Variants in SNTG2 observed in about 807,000 individuals in gnomAD.
SNTG2 encodes syntrophin gamma 2, also known as gamma-2-syntrophin.
A neutral mutation model predicts 70.9 loss-of-function variants in SNTG2; 74 were observed. That is an observed-to-expected ratio of 1.04 (90% CI 0.86 to 1.27). The LOEUF (loss-of-function observed/expected upper bound fraction) is 1.27, where lower values mean the gene tolerates loss of function less well. Ranked by LOEUF, SNTG2 falls within the 50% of genes most tolerant of loss-of-function variation. The pLI is 0.00. For missense variants in SNTG2, 717 were observed against 690.7 expected (o/e 1.04, Z -0.43); for synonymous variants, 278 against 273.8 (o/e 1.02, Z -0.15).
At chr2:1,015,914 T>C (rs1558311900) in intron 1 of SNTG2, among the ~76,000 whole-genome samples, 1 of 152,232 alleles carries the variant, frequency 6.6e-6, no homozygotes, top group Non-Finnish European at 1.5e-5. Context: ...ATGCAGCAGA[T>C]AGTCCATGTT....
intron 4 of SNTG2, among the ~76,000 whole-genome samples, chr2:1,098,885 T>C (rs1176767604): frequency 6.6e-6 from 1 of 152,218 alleles, no homozygotes; most frequent in African/African-American, 2.4e-5. Context: ...CTGGTGGTAC[T>C]GCACTGACTA....
At chr2:1,106,327 T>C (rs1229737558) in intron 4 of SNTG2, among the ~76,000 whole-genome samples, 1 of 113,122 alleles carries the variant, frequency 8.8e-6, no homozygotes. Context: ...TCCTTGATAA[T>C]AATGGACACG....
intron 9 of SNTG2, among the ~76,000 whole-genome samples, chr2:1,222,029 CTA>C (rs1553362123): frequency 3.2e-4 from 1 of 3,174 alleles, no homozygotes; most frequent in Non-Finnish European, 8.5e-4. Context: ...CTGTCTCTGC[CTA>C]TCTCTGTCTC....
At chr2:1,313,089 A>G (rs1217259659) in intron 15 of SNTG2, among the ~76,000 whole-genome samples, 1 of 152,234 alleles carries the variant, frequency 6.6e-6, no homozygotes, top group Non-Finnish European at 1.5e-5. Flanking sequence ...TGTGTTAACA[A>G]TCAGACTGTG....
At chr2:994,606 T>C (rs904368954) in intron 1 of SNTG2, among the ~76,000 whole-genome samples, 2 of 152,092 alleles carry the variant, frequency 1.3e-5, no homozygotes, top group African/African-American at 2.4e-5. Context: ...GTATTGAATC[T>C]GTAGATCAAT....
chr2:1,006,708 A>G (rs992283935), intron 1 of SNTG2, among the ~76,000 whole-genome samples: 3 of 152,182 alleles, frequency 2.0e-5, no homozygotes, highest in Non-Finnish European at 4.4e-5. Context: ...TGTGGTAGAT[A>G]GAAGTAATCT....
intron 4 of SNTG2, among the ~76,000 whole-genome samples, chr2:1,102,974 CTG>C (rs1164904217): frequency 1.3e-5 from 2 of 152,216 alleles, no homozygotes. Context: ...AGCCAAGACT[CTG>C]ATTGTACCGT....
chr2:1,244,588 C>T (rs142729338), intron 11 of SNTG2, among the ~76,000 whole-genome samples: 13,154 of 148,208 alleles, frequency 0.089, 647 homozygotes, highest in South Asian at 0.14. Flanking sequence ...CCCAGCTACT[C>T]GGGAGGCTGA....
At chr2:1,219,668 C>A (rs1572757811) in intron 9 of SNTG2, among the ~76,000 whole-genome samples, 4 of 121,466 alleles carry the variant, frequency 3.3e-5, no homozygotes, top group East Asian at 2.4e-4. Context: ...TTTTCTAAAA[C>A]ATAGAAGGAA....
At chr2:1,140,327 G>A (rs2147772483) in intron 6 of SNTG2, among the ~76,000 whole-genome samples, 1 of 152,184 alleles carries the variant, frequency 6.6e-6, no homozygotes, top group East Asian at 1.9e-4. Flanking sequence ...CATCCACACT[G>A]GCATATAATA....
chr2:966,359 G>T (rs1176129575), intron 1 of SNTG2, among the ~76,000 whole-genome samples: 1 of 151,824 alleles, frequency 6.6e-6, no homozygotes, highest in Non-Finnish European at 1.5e-5. Flanking sequence ...TCTGCAATTT[G>T]TTACTTTTGT....
intron 1 of SNTG2, among the ~76,000 whole-genome samples, chr2:1,064,404 T>C (rs1312768697): frequency 6.6e-6 from 1 of 151,484 alleles, no homozygotes; most frequent in East Asian, 1.9e-4. Context: ...AATTTATGTA[T>C]GTTTTAATGC....
chr2:1,147,419 G>A (rs568769447), intron 6 of SNTG2, among the ~76,000 whole-genome samples: 4 of 152,284 alleles, frequency 2.6e-5, no homozygotes, highest in Admixed American at 6.5e-5. Flanking sequence ...GCAGAAAAAT[G>A]TGAAAAGCCT....
At chr2:1,363,968 C>T (rs1268580786) in intron 16 of SNTG2, among the ~76,000 whole-genome samples, 1 of 82,256 alleles carries the variant, frequency 1.2e-5, no homozygotes, top group Non-Finnish European at 2.5e-5. Flanking sequence ...CTAGTAATTT[C>T]TTTTATTTTC....
chr2:1,347,461 G>C (rs187252308), intron 16 of SNTG2, among the ~76,000 whole-genome samples: 21 of 152,256 alleles, frequency 1.4e-4, no homozygotes, highest in African/African-American at 4.8e-4. Context: ...GGGCAAAATT[G>C]GTTTTGAAAG....
At chr2:1,243,128 C>G (rs1227877938) in intron 11 of SNTG2, among the ~76,000 whole-genome samples, 2 of 152,242 alleles carry the variant, frequency 1.3e-5, no homozygotes, top group African/African-American at 2.4e-5. Flanking sequence ...TAATTAAGCT[C>G]ATGCAACTAA....
intron 1 of SNTG2, among the ~76,000 whole-genome samples, chr2:997,711 C>G (rs942745737): frequency 1.3e-5 from 2 of 152,326 alleles, no homozygotes; most frequent in Middle Eastern, 3.4e-3. Flanking sequence ...ATAGACCCCC[C>G]TCTGGGGCTG....
intron 16 of SNTG2, among the ~76,000 whole-genome samples, chr2:1,330,051 G>A (rs1659436485): frequency 6.6e-6 from 1 of 152,164 alleles, no homozygotes; most frequent in Non-Finnish European, 1.5e-5. Context: ...TTTGAGGTGG[G>A]AAAGGAGGAG....
At chr2:1,067,731 G>A (rs62105943) in intron 1 of SNTG2, among the ~76,000 whole-genome samples, 5,043 of 152,236 alleles carry the variant, frequency 0.033, 185 homozygotes, top group South Asian at 0.15. Flanking sequence ...ATCCAACTAC[G>A]TAAGGGCACC....
Sources: gnomAD v4.1 joint callset for allele counts (sites outside exome capture counted in the v4.1 genomes callset) on GRCh38, gnomAD v4.1.1 for gene constraint, MANE v1.5 for transcripts, NCBI Gene and HGNC (gene_info 2026-07-23, HGNC 2026-07-21) for gene names.